NUCKS1: variants seen among roughly 807,000 people sequenced by gnomAD.
NUCKS1 encodes nuclear ubiquitous casein and cyclin-dependent kinase substrate 1.
In NUCKS1, 2 loss-of-function variants were observed where a neutral mutation model predicts 33.0. That is an observed-to-expected ratio of 0.06 (90% CI 0.02 to 0.19). The LOEUF (loss-of-function observed/expected upper bound fraction) is 0.19. NUCKS1 is among the 10% of genes least tolerant of loss of function. The pLI is 1.00. For synonymous variants in NUCKS1, 106 were observed against 102.8 expected (o/e 1.03, Z -0.19); for missense variants, 201 against 293.6 (o/e 0.68, Z 2.31).
chr1:205,733,668 CATTAT>C (rs532188580), intron 1 of NUCKS1, among the ~76,000 whole-genome samples: 143 of 151,888 alleles, frequency 9.4e-4, no homozygotes, highest in South Asian at 5.0e-3. Context: ...AAATGGCAGG[CATTAT>C]ATTAAAATAT....
intron 1 of NUCKS1, among the ~76,000 whole-genome samples, chr1:205,741,241 A>C (rs986092417): frequency 1.4e-5 from 2 of 141,836 alleles, no homozygotes; most frequent in Non-Finnish European, 3.0e-5. Flanking sequence ...CGGAGCTTGC[A>C]GTGAGCCGAG....
rs1671798814 is a variant in NUCKS1 at position 205,714,978 on chromosome 1, T to C, written c.*3302A>G. The C allele has an allele frequency of 6.6e-6, 1 of 152,178 alleles. No homozygotes were observed. The highest frequency in any genetic ancestry group is 2.4e-5 in the African/African-American group (1 of 41,426). The allele number at this position is 152,178 out of a possible 1,614,324, so 9.4% of individuals were successfully genotyped here. A position where few individuals can be genotyped will look rare whatever the true frequency, so the allele number is the denominator to read the frequency against. The stretch of plus-strand genomic sequence containing the variant: ...TTGCTCCTGATATTTATTTCTGCTT[T>C]TGCCTAACGCTCTCAAAGCATCTCG... On this transcript the variant is annotated 3_prime_UTR_variant, in exon 7 of 7. Transcript: ENST00000367142.
intron 1 of NUCKS1, among the ~76,000 whole-genome samples, chr1:205,747,592 T>C (rs1245394237): frequency 6.6e-6 from 1 of 152,198 alleles, no homozygotes; most frequent in South Asian, 2.1e-4. Context: ...TGGATATTTA[T>C]GGTACAATGA....
intron 3 of NUCKS1, 101 bp downstream of exon 3, chr1:205,727,599 T>C: frequency 1.2e-6 from 1 of 805,556 alleles, no homozygotes; most frequent in Non-Finnish European, 2.2e-6. Flanking sequence ...AGTAAGTACT[T>C]TTCAAAAGTA....
At chr1:205,733,592 T>C (rs907314538) in intron 1 of NUCKS1, among the ~76,000 whole-genome samples, 7 of 151,754 alleles carry the variant, frequency 4.6e-5, no homozygotes, top group African/African-American at 7.3e-5. Context: ...ATCTAAAAGA[T>C]ATTCTATAAA....
At chr1:205,734,319 A>T (rs1571581483) in intron 1 of NUCKS1, among the ~76,000 whole-genome samples, 1 of 152,236 alleles carries the variant, frequency 6.6e-6, no homozygotes, top group African/African-American at 2.4e-5. Context: ...ATTAAATTTT[A>T]AAATTAAATT....
At chr1:205,724,446 C>T (rs998440506) in intron 3 of NUCKS1, among the ~76,000 whole-genome samples, 9 of 152,196 alleles carry the variant, frequency 5.9e-5, no homozygotes, top group Non-Finnish European at 1.0e-4. Context: ...GTAATCTCAG[C>T]AGTTTGGGTG....
intron 1 of NUCKS1, among the ~76,000 whole-genome samples, chr1:205,732,716 G>A (rs1050845398): frequency 7.0e-6 from 1 of 142,978 alleles, no homozygotes; most frequent in African/African-American, 2.6e-5. Context: ...GGGAGACAGA[G>A]GTTGCAGTGA....
At chr1:205,732,972 T>A (rs953889365) in intron 1 of NUCKS1, among the ~76,000 whole-genome samples, 4 of 151,958 alleles carry the variant, frequency 2.6e-5, no homozygotes, top group African/African-American at 9.7e-5. Context: ...AGTATGATGA[T>A]CATAATGCAA....
chr1:205,749,706 G>A (rs1397711820), intron 1 of NUCKS1, among the ~76,000 whole-genome samples: 3 of 151,678 alleles, frequency 2.0e-5, no homozygotes, highest in Non-Finnish European at 4.4e-5. Flanking sequence ...TGCGGTGGGT[G>A]GGGGAGGCAG....
At chr1:205,747,279 A>T (rs946640546) in intron 1 of NUCKS1, among the ~76,000 whole-genome samples, 3 of 152,194 alleles carry the variant, frequency 2.0e-5, no homozygotes, top group Non-Finnish European at 4.4e-5. Context: ...CCATTAAACT[A>T]GGTTTAATAA....
At chr1:205,734,449 A>G (rs1653986485) in intron 1 of NUCKS1, among the ~76,000 whole-genome samples, 1 of 152,234 alleles carries the variant, frequency 6.6e-6, no homozygotes. Context: ...AAAGCAAAAT[A>G]TGAATATAGA....
In NUCKS1 at chr1:205,718,119, A is replaced by ACT; in HGVS notation, c.*160_*161insAG. 1 of 1,284,330 alleles carries ACT rather than the reference A, an allele frequency of 7.8e-7. No homozygotes were observed. The highest frequency in any genetic ancestry group is 9.8e-7 in the Non-Finnish European group (1 of 1,020,418). The allele number at this position is 1,284,330 out of a possible 1,614,324, so 79.6% of individuals were successfully genotyped here. A position where few individuals can be genotyped will look rare whatever the true frequency, so the allele number is the denominator to read the frequency against. On this transcript the variant is annotated 3_prime_UTR_variant, in exon 7 of 7. Transcript: ENST00000367142. ...AAAAAAAAAAAGAGAGAGAGAGAGA[A>ACT]ATGTTACTTTCAACAAATGGAAAAA...
intron 1 of NUCKS1, among the ~76,000 whole-genome samples, chr1:205,743,591 A>G (rs997257697): frequency 2.0e-5 from 3 of 152,198 alleles, no homozygotes; most frequent in East Asian, 3.8e-4. Context: ...CTTTTAATAC[A>G]TTGACTCACA....
intron 1 of NUCKS1, among the ~76,000 whole-genome samples, 168 bp from the exon 2 acceptor site, chr1:205,729,789 A>C (rs1653863306): frequency 6.6e-6 from 1 of 152,184 alleles, no homozygotes. Flanking sequence ...TGGGAGGCCA[A>C]GGCTGGTGGA....
At chr1:205,741,416 GAAGTT>G (rs1654171647) in intron 1 of NUCKS1, among the ~76,000 whole-genome samples, 1 of 152,014 alleles carries the variant, frequency 6.6e-6, no homozygotes. Flanking sequence ...TTTCCCAGTG[GAAGTT>G]TAGTGTAAAA....
Position 205,715,434 on chromosome 1 carries a change from A to G in NUCKS1, c.*2846T>C, listed in dbSNP as rs1260729499. 3 of 152,240 alleles carry G rather than the reference A, an allele frequency of 2.0e-5. No homozygotes were observed. The highest frequency in any genetic ancestry group is 4.4e-5 in the Non-Finnish European group (3 of 68,048). The allele number at this position is 152,240 out of a possible 1,614,324, so 9.4% of individuals were successfully genotyped here. A position where few individuals can be genotyped will look rare whatever the true frequency, so the allele number is the denominator to read the frequency against. On this transcript the variant is annotated 3_prime_UTR_variant, in exon 7 of 7. Transcript: ENST00000367142. ...AATATGAAATGAGGAGATGTTTTAG[A>G]AAGCAGGACAAATCTACCTACCATT...
intron 1 of NUCKS1, among the ~76,000 whole-genome samples, chr1:205,749,466 TAC>T (rs1265196537): frequency 6.6e-6 from 1 of 151,790 alleles, no homozygotes; most frequent in Non-Finnish European, 1.5e-5. Context: ...CCCCGTCCGC[TAC>T]AGAGAGGGCT....
chr1:205,718,400 A>G lies in NUCKS1; in HGVS notation c.612T>C (p.Ser204=). Reference sequence around the variant, plus strand: ...CCGGTTCCTCATCTTCTTCTTTGGGAGAAGGAGTCTTTTCCTTTGATGCCT... The same window carrying G: ...CCGGTTCCTCATCTTCTTCTTTGGGGGAAGGAGTCTTTTCCTTTGATGCCT... The part of the protein sequence containing the change: ...ASKASKEKTP[S]PKEEDEEPES... The change falls in exon 7 of 7, where the codon TCT becomes TCC. Residue 204 remains serine, a synonymous_variant. Coordinates refer to ENST00000367142, the MANE Select transcript of NUCKS1 (RefSeq NM_022731.5). 6 of 1,613,076 alleles carry G rather than the reference A, an allele frequency of 3.7e-6. No homozygotes were observed. Among genetic ancestry groups the G allele is most frequent in the Non-Finnish European group, 5.1e-6 (6 of 1,179,864 alleles).
Sources: allele counts gnomAD v4.1 joint callset (sites outside exome capture counted in the v4.1 genomes callset), GRCh38; gene constraint gnomAD v4.1.1; transcripts MANE v1.5; gene names NCBI Gene and HGNC (gene_info 2026-07-23, HGNC 2026-07-21).